The following SLC5A10 variants were observed in gnomAD, a reference collection of about 807,000 sequenced individuals.
SLC5A10 encodes solute carrier family 5 member 10.
A neutral mutation model predicts 68.9 loss-of-function variants in SLC5A10; 55 were observed. The ratio of observed to expected loss-of-function variants is 0.80; its 90% CI spans 0.64 to 1.00. The LOEUF (loss-of-function observed/expected upper bound fraction) is 1.00, where lower values mean the gene tolerates loss of function less well. SLC5A10 is among the 50% of genes least tolerant of loss of function. The pLI is 0.00. For synonymous variants in SLC5A10, 344 were observed against 344.8 expected (o/e 1.00, Z 0.02); for missense variants, 732 against 819.3 (o/e 0.89, Z 1.30).
Position 19,003,882 on chromosome 17 carries a change from T to C in SLC5A10, c.983-9528T>C, listed in dbSNP as rs1597896335. ...AGCTCCGAGAGGAAGTCTCGGATGT[T>C]CTCCCGCTTGAGCACCTCGTAGAAG... On this transcript the variant is annotated intron_variant, in intron 9 of 14. Coordinates refer to ENST00000395645, the MANE Select transcript of SLC5A10 (RefSeq NM_001042450.4). The surrounding 1 kb of genome is among the most constrained non-coding windows in gnomAD (Gnocchi z 4.5). 6.2e-6 allele frequency: 10 copies of C among 1,612,952 alleles called. No individual in the cohort carries two copies. Among genetic ancestry groups the C allele is most frequent in the Non-Finnish European group, 8.5e-6 (10 of 1,179,916 alleles).
intron 9 of SLC5A10, chr17:18,978,845 G>T (rs753302947): frequency 3.1e-6 from 5 of 1,611,374 alleles, no homozygotes; most frequent in Non-Finnish European, 4.2e-6. Flanking sequence ...GGCCGACCAC[G>T]TGAAGCTGCA....
rs759451010 is a variant in SLC5A10, at chr17:18,959,126, C to G, written c.184-9C>G. 6.2e-7 allele frequency: 1 copy of G among 1,606,716 alleles called. No homozygotes were observed. The highest frequency in any genetic ancestry group is 1.1e-5 in the South Asian group (1 of 90,916). On this transcript the variant is annotated splice_polypyrimidine_tract_variant and intron_variant, in intron 2 of 14. Transcript: ENST00000395645. ...CTGCTGCTGATGCGTTTCCCTTTCT[C>G]TCCTCCAGATTGGAGCCTCCCTCTT... is the stretch of plus-strand genomic sequence containing the variant.
intron 11 of SLC5A10, among the ~76,000 whole-genome samples, chr17:19,016,585 TAGTC>T (rs1361144455): frequency 6.6e-6 from 1 of 152,136 alleles, no homozygotes; most frequent in Non-Finnish European, 1.5e-5. Context: ...GGATGCAAAA[TAGTC>T]AGGCTTCTGT....
chr17:18,973,019 T>G (rs1040689096), intron 8 of SLC5A10, among the ~76,000 whole-genome samples: 1 of 152,198 alleles, frequency 6.6e-6, no homozygotes, highest in African/African-American at 2.4e-5. Flanking sequence ...ACATCCGCCA[T>G]GCCTCATGGG....
At position 18,952,180 on chromosome 17, in the gene SLC5A10, T is replaced by C. The variant is rs1245235731; in HGVS notation, c.-26T>C. Reference sequence around the variant, plus strand: ...TTTGCCCCTCAGTCCCTCGGGCTCATACCTAGTGCCTGCGGCAGGACAGCC... The same window carrying C: ...TTTGCCCCTCAGTCCCTCGGGCTCACACCTAGTGCCTGCGGCAGGACAGCC... On this transcript the variant is annotated 5_prime_UTR_variant, in exon 1 of 15. Transcript: ENST00000395645. 6.2e-7 allele frequency: 1 copy of C among 1,606,900 alleles called. No individual in the cohort carries two copies. Among genetic ancestry groups the C allele is most frequent in the East Asian group, 2.3e-5 (1 of 44,394 alleles).
In SLC5A10 at chr17:19,000,706, A is replaced by G. The variant is rs556459958; in HGVS notation, c.983-12704A>G. Reference sequence around the variant, plus strand: ...GTGTGCGGCAAGGCGGCCCAGGCAGAGGGATCCCCATCCTAGGCAGGGGGC... The same window carrying G: ...GTGTGCGGCAAGGCGGCCCAGGCAGGGGGATCCCCATCCTAGGCAGGGGGC... On this transcript the variant is annotated intron_variant, in intron 9 of 14. Coordinates refer to ENST00000395645, the MANE Select transcript of SLC5A10 (RefSeq NM_001042450.4). The surrounding 1 kb of genome is among the most constrained non-coding windows in gnomAD (Gnocchi z 5.2). Among the ~76,000 whole-genome samples the G allele has an allele frequency of 6.6e-6, 1 of 152,264 alleles. No individual in the cohort carries two copies. The highest frequency in any genetic ancestry group is 2.1e-4 in the South Asian group (1 of 4,826).
chr17:18,990,748 G>A (rs894380634), intron 9 of SLC5A10, among the ~76,000 whole-genome samples: 7 of 152,244 alleles, frequency 4.6e-5, no homozygotes, highest in Non-Finnish European at 1.5e-5. Flanking sequence ...GGTCAGAGAT[G>A]GGTTTGTAAC....
chr17:18,974,706 G>A (rs1167263600), intron 8 of SLC5A10, among the ~76,000 whole-genome samples: 1 of 152,264 alleles, frequency 6.6e-6, no homozygotes, highest in Admixed American at 6.5e-5. Context: ...GGCCCTTGAG[G>A]AGCCAGGGAC....
intron 9 of SLC5A10, chr17:18,988,194 G>A: frequency 6.3e-7 from 1 of 1,586,728 alleles, no homozygotes; most frequent in African/African-American, 1.3e-5. Context: ...TTTGTTGACA[G>A]ACTGAATGAC....
chr17:18,961,904 T>G (rs2042620261), intron 5 of SLC5A10, among the ~76,000 whole-genome samples: 1 of 152,192 alleles, frequency 6.6e-6, no homozygotes, highest in Non-Finnish European at 1.5e-5. Context: ...TGGGCAGGTC[T>G]CAGGAGTGGC....
Position 19,003,729 on chromosome 17 carries a change from C to A in SLC5A10, c.983-9681C>A. On this transcript the variant is annotated intron_variant, in intron 9 of 14. Transcript: ENST00000395645. The surrounding 1 kb of genome is among the most constrained non-coding windows in gnomAD (Gnocchi z 4.5). ...GGCTCGGCCTCGATGGGGACCCCAT[C>A]CGCCCCGCTGGCTTCCTCGCCGTCG... 1 of 1,605,138 alleles carries A rather than the reference C, an allele frequency of 6.2e-7. No individual in the cohort carries two copies.
intron 8 of SLC5A10, among the ~76,000 whole-genome samples, chr17:18,973,893 T>G (rs1191033748): frequency 4.8e-5 from 6 of 123,938 alleles, no homozygotes; most frequent in Non-Finnish European, 1.0e-4. Flanking sequence ...AGTTTTTTTT[T>G]TTTTTTTTTT....
At chr17:18,978,103 A>ACTG in intron 9 of SLC5A10, 1 of 1,515,700 alleles carries the variant, frequency 6.6e-7, no homozygotes, top group Non-Finnish European at 8.8e-7. Flanking sequence ...AGCCAATATC[A>ACTG]CTGCTGTCCC....
chr17:19,006,876 A>T (rs2043903413), intron 9 of SLC5A10, among the ~76,000 whole-genome samples: 1 of 152,182 alleles, frequency 6.6e-6, no homozygotes, highest in Admixed American at 6.5e-5. Context: ...TGTGCTTTTC[A>T]TTGCTGACTA....
At chr17:18,966,965 A>AG (rs1441172097) in intron 5 of SLC5A10, among the ~76,000 whole-genome samples, 1 of 152,014 alleles carries the variant, frequency 6.6e-6, no homozygotes, top group African/African-American at 2.4e-5. Flanking sequence ...AGGGGCACTG[A>AG]GGTTCAGGGG....
chr17:18,979,140 G>A (rs2043064450), intron 9 of SLC5A10: 2 of 517,690 alleles, frequency 3.9e-6, no homozygotes, highest in South Asian at 2.3e-5. Context: ...CACTGTGGGG[G>A]GTTCTGCATG....
intron 9 of SLC5A10, chr17:18,977,913 C>T: frequency 6.2e-7 from 1 of 1,610,338 alleles, no homozygotes; most frequent in African/African-American, 1.3e-5. Flanking sequence ...ACGTAGTCGT[C>T]ATCATCTTCT....
Position 19,020,657 on chromosome 17 carries a change from T to C in SLC5A10, c.*226T>C, listed in dbSNP as rs745881601. 3.8e-5 allele frequency: 22 copies of C among 571,550 alleles called. No homozygotes were observed. Among genetic ancestry groups the C allele is most frequent in the Non-Finnish European group, 6.3e-5 (20 of 319,478 alleles). The allele number at this position is 571,550 out of a possible 1,614,324, so 35.4% of individuals were successfully genotyped here. On this transcript the variant is annotated 3_prime_UTR_variant, in exon 15 of 15. Transcript: ENST00000395645. ...AAAACAGCACCAAAGCAGTCAGCAT[T>C]GGAAGGAAAATTAGATTTCTGACGG...
At chr17:18,958,545 AT>A in intron 1 of SLC5A10, 136 bp from the exon 2 acceptor site, 1 of 643,868 alleles carries the variant, frequency 1.6e-6, no homozygotes, top group Non-Finnish European at 2.8e-6. Context: ...TTTTGGACAT[AT>A]ACCTAGGAGT....
Sources: allele counts gnomAD v4.1 joint callset (sites outside exome capture counted in the v4.1 genomes callset), GRCh38; gene constraint gnomAD v4.1.1; non-coding constraint Gnocchi (gnomAD v3.1); transcripts MANE v1.5; gene names NCBI Gene and HGNC (gene_info 2026-07-23, HGNC 2026-07-21).